PCDHB2: variants seen among roughly 807,000 people sequenced by gnomAD.
PCDHB2 encodes protocadherin beta-2.
For missense variants in PCDHB2, 914 were observed against 1,023.1 expected, an observed-to-expected ratio of 0.89 and a Z score of 1.45; for synonymous variants, 395 against 464.9, an observed-to-expected ratio of 0.85 and a Z score of 1.93.
In PCDHB2 at chr5:141,095,832, G is replaced by T. The variant is rs1375182260; in HGVS notation, c.1042G>T (p.Glu348Ter). Residue 348 changes from glutamate (E) to a stop codon, truncating the protein, a stop_gained, in exon 1 of 1, where the codon GAA becomes TAA. Transcript: ENST00000194155. LOFTEE classifies it low-confidence loss of function (END_TRUNC). ...GATGGATTTGAATGACAATCCTCCG[G>T]AACTAACTATGTCGACACTTATCAA... ...QVMDLNDNPP[E>*]LTMSTLINQI... is the part of the protein sequence containing the mutation. The T allele has an allele frequency of 1.9e-6, 3 of 1,613,930 alleles. No individual in the cohort carries two copies. Among genetic ancestry groups the T allele is most frequent in the Non-Finnish European group, 2.5e-6 (3 of 1,180,026 alleles).
At position 141,094,956 on chromosome 5, in the gene PCDHB2, C is replaced by T; in HGVS notation, c.166C>T (p.Leu56=). 6.2e-7 allele frequency: 1 copy of T among 1,613,954 alleles called. No individual in the cohort carries two copies. The highest frequency in any genetic ancestry group is 1.1e-5 in the South Asian group (1 of 91,048). ...GGCCAATTTGTTAAAAGACCTGGGG[C>T]TGGAGATAGGAGAACTTGCTGTGAG... is the stretch of plus-strand genomic sequence containing the variant. ...FVANLLKDLG[L]EIGELAVRGA... Residue 56 remains leucine (L), a synonymous_variant, in exon 1 of 1, where the codon CTG becomes TTG. Coordinates refer to ENST00000194155, the MANE Select transcript of PCDHB2 (RefSeq NM_018936.4).
At position 141,096,321 on chromosome 5, in the gene PCDHB2, G is replaced by A; in HGVS notation, c.1531G>A (p.Asp511Asn). The A allele has an allele frequency of 6.2e-7, 1 of 1,613,386 alleles. No individual in the cohort carries two copies. The highest frequency in any genetic ancestry group is 1.3e-5 in the African/African-American group (1 of 75,046). ...PLASLVSINA[D>N]NGHLFALQSL... ...CGCCTCCCTGGTCTCCATCAACGCG[G>A]ACAACGGCCACCTGTTCGCTCTCCA... Residue 511 changes from aspartate to asparagine, a missense_variant, in exon 1 of 1, where the codon GAC becomes AAC. By Grantham distance (23) the Asp-to-Asn change is conservative. Coordinates refer to ENST00000194155, the MANE Select transcript of PCDHB2 (RefSeq NM_018936.4).
chr5:141,095,067 G>T lies in PCDHB2; in HGVS notation c.277G>T (p.Asp93Tyr). ...TGDLLLNEKL[D>Y]REELCGPTEP... ...GGATTTGTTGTTAAATGAGAAATTG[G>T]ACCGGGAGGAGCTGTGCGGCCCCAC... is the stretch of plus-strand genomic sequence containing the variant. The change falls in exon 1 of 1, where the codon GAC (aspartate) becomes TAC (tyrosine). Residue 93 changes from aspartate (D) to tyrosine (Y), a missense_variant. Physicochemically the swap from Asp to Tyr is radical, Grantham distance 160. Transcript: ENST00000194155. 1.9e-6 allele frequency: 3 copies of T among 1,614,132 alleles called. No individual in the cohort carries two copies. The highest frequency in any genetic ancestry group is 2.5e-6 in the Non-Finnish European group (3 of 1,180,012).
rs782169420 is a variant in PCDHB2, at chr5:141,097,158, A to C, written c.2368A>C (p.Ser790Arg). 5.6e-6 allele frequency: 9 copies of C among 1,606,380 alleles called. No homozygotes were observed. Among genetic ancestry groups the C allele is most frequent in the African/African-American group, 5.3e-5 (4 of 74,842 alleles). The change falls in exon 1 of 1, where the codon AGT becomes CGT. Residue 790 changes from serine to arginine, a missense_variant. Physicochemically the swap from Ser to Arg is moderately radical, Grantham distance 110. Transcript: ENST00000194155. ...AGAGAGGGTTAGCGAGGCAAATCCC[A>C]GTTTCAGGAAGAGCTTTGAATTCAC... ...GAERVSEANP[S>R]FRKSFEFT is the part of the protein sequence containing the mutation.
rs1277540808 is a variant in PCDHB2 at position 141,096,649 on chromosome 5, G to A, written c.1859G>A (p.Trp620Ter). 4 of 1,609,122 alleles carry A rather than the reference G, an allele frequency of 2.5e-6. No individual in the cohort carries two copies. The African/African-American group carries it at 5.3e-5, about 21-fold the overall frequency. ...ACGGAGCCCGGGCTGTTCGGCGTGT[G>A]GGCGCACAATGGCGAGGTGCGCACC... ...KATEPGLFGV[W>*]AHNGEVRTAR... The change falls in exon 1 of 1, where the codon TGG becomes TAG. Residue 620 changes from tryptophan (W) to a stop codon, truncating the protein, a stop_gained. Transcript: ENST00000194155. LOFTEE classifies it low-confidence loss of function (END_TRUNC).
In PCDHB2 at chr5:141,096,866, G is replaced by A. The variant is rs782517733; in HGVS notation, c.2076G>A (p.Leu692=). Residue 692 remains leucine, a synonymous_variant, in exon 1 of 1, where the codon CTG becomes CTA. Transcript: ENST00000194155. ...QAQADLLTVY[L]VVALASVSSL... ...AGGCCGACTTGCTCACCGTCTACCT[G>A]GTGGTGGCGTTGGCCTCGGTGTCTT... is the stretch of plus-strand genomic sequence containing the variant. The A allele has an allele frequency of 6.2e-7, 1 of 1,611,684 alleles. No individual in the cohort carries two copies. The highest frequency in any genetic ancestry group is 8.5e-7 in the Non-Finnish European group (1 of 1,179,804).
Position 141,095,844 on chromosome 5 carries a change from T to C in PCDHB2, c.1054T>C (p.Ser352Pro), listed in dbSNP as rs782518279. 2 of 1,613,936 alleles carry C rather than the reference T, an allele frequency of 1.2e-6. No homozygotes were observed. Among genetic ancestry groups the C allele is most frequent in the African/African-American group, 1.3e-5 (1 of 74,906 alleles). ...LNDNPPELTM[S>P]TLINQIPENL... ...TGACAATCCTCCGGAACTAACTATG[T>C]CGACACTTATCAATCAGATCCCAGA... The change falls in exon 1 of 1, where the codon TCG becomes CCG. Residue 352 changes from serine (S) to proline (P), a missense_variant. Physicochemically the swap from Ser to Pro is moderately conservative, Grantham distance 74. Coordinates refer to ENST00000194155, the MANE Select transcript of PCDHB2 (RefSeq NM_018936.4).
chr5:141,098,344 C>T lies in PCDHB2; in HGVS notation c.*1157C>T, dbSNP rs1751875139. The T allele has an allele frequency of 1.3e-5, 2 of 152,000 alleles. No homozygotes were observed. Among genetic ancestry groups the T allele is most frequent in the Admixed American group, 1.3e-4 (2 of 15,268 alleles). The allele number at this position is 152,000 out of a possible 1,614,324, so 9.4% of individuals were successfully genotyped here. ...AATTTGAGGGAGTACATGTCTTTGT[C>T]CTTTACCTTTAGAACCCTCAAACAT... On this transcript the variant is annotated 3_prime_UTR_variant, in exon 1 of 1. Coordinates refer to ENST00000194155, the MANE Select transcript of PCDHB2 (RefSeq NM_018936.4).
Position 141,096,617 on chromosome 5 carries a change from C to G in PCDHB2, c.1827C>G (p.Leu609=). ...GQNAWLSYQL[L]KATEPGLFGV... Reference sequence around the variant, plus strand: ...ACGCCTGGCTGTCGTACCAGCTGCTCAAGGCCACGGAGCCCGGGCTGTTCG... The same window carrying G: ...ACGCCTGGCTGTCGTACCAGCTGCTGAAGGCCACGGAGCCCGGGCTGTTCG... Residue 609 remains leucine, a synonymous_variant, in exon 1 of 1, where the codon CTC becomes CTG. Transcript: ENST00000194155. 6.2e-7 allele frequency: 1 copy of G among 1,607,552 alleles called. No individual in the cohort carries two copies.
Position 141,096,596 on chromosome 5 carries a change from C to T in PCDHB2, c.1806C>T (p.Ala602=). The T allele has an allele frequency of 6.2e-7, 1 of 1,606,576 alleles. No individual in the cohort carries two copies. Among genetic ancestry groups the T allele is most frequent in the Non-Finnish European group, 8.5e-7 (1 of 1,179,048 alleles). ...TGGACGGCGACTCGGGCCAGAACGC[C>T]TGGCTGTCGTACCAGCTGCTCAAGG... is the stretch of plus-strand genomic sequence containing the variant. The part of the protein sequence containing the change: ...VAVDGDSGQN[A]WLSYQLLKAT... Residue 602 remains alanine, a synonymous_variant, in exon 1 of 1, where the codon GCC becomes GCT. Coordinates refer to ENST00000194155, the MANE Select transcript of PCDHB2 (RefSeq NM_018936.4).
In PCDHB2 at chr5:141,096,830, G is replaced by A. The variant is rs1352098597; in HGVS notation, c.2040G>A (p.Pro680=). ...QPYLLLPEAA[P]AQAQADLLTV... ...ACCTGCTGCTCCCGGAGGCGGCACC[G>A]GCCCAGGCCCAGGCCGACTTGCTCA... The change falls in exon 1 of 1, where the codon CCG becomes CCA. Residue 680 remains proline (P), a synonymous_variant. Transcript: ENST00000194155. 1 of 1,610,568 alleles carries A rather than the reference G, an allele frequency of 6.2e-7. No homozygotes were observed. The highest frequency in any genetic ancestry group is 8.5e-7 in the Non-Finnish European group (1 of 1,179,768).
Position 141,097,523 on chromosome 5 carries a change from A to G in PCDHB2, c.*336A>G. ...TAATTTTGAAGTCCTACATTTGAAA[A>G]TATTTGTTATCATTACATGAGTTAT... On this transcript the variant is annotated 3_prime_UTR_variant, in exon 1 of 1. Coordinates refer to ENST00000194155, the MANE Select transcript of PCDHB2 (RefSeq NM_018936.4). 1 of 201,144 alleles carries G rather than the reference A, an allele frequency of 5.0e-6. No individual in the cohort carries two copies. The highest frequency in any genetic ancestry group is 1.0e-5 in the Non-Finnish European group (1 of 99,532). 12.5% of individuals were successfully genotyped at this position (201,144 alleles called of 1,614,324 possible).
At position 141,094,800 on chromosome 5, in the gene PCDHB2, G is replaced by A; in HGVS notation, c.10G>A (p.Gly4Arg). ...GAGAGACCAGAAAGCAATGGAGGCCGGAGAGGGGAAGGAGCGCGTTCCGAA... is the reference window on the plus strand; with the variant it reads ...GAGAGACCAGAAAGCAATGGAGGCCAGAGAGGGGAAGGAGCGCGTTCCGAA... MEA[G>R]EGKERVPKQR... Residue 4 changes from glycine to arginine, a missense_variant, in exon 1 of 1, where the codon GGA becomes AGA. Physicochemically the swap from Gly to Arg is moderately radical, Grantham distance 125. Transcript: ENST00000194155. The A allele has an allele frequency of 1.9e-6, 3 of 1,558,084 alleles. No homozygotes were observed. Among genetic ancestry groups the A allele is most frequent in the South Asian group, 1.2e-5 (1 of 81,522 alleles).
chr5:141,095,036 G>T lies in PCDHB2; in HGVS notation c.246G>T (p.Gln82His). 6.2e-7 allele frequency: 1 copy of T among 1,614,076 alleles called. No individual in the cohort carries two copies. Among genetic ancestry groups the T allele is most frequent in the Non-Finnish European group, 8.5e-7 (1 of 1,180,002 alleles). Residue 82 changes from glutamine (Q) to histidine (H), a missense_variant, in exon 1 of 1, where the codon CAG (glutamine) becomes CAT (histidine). Physicochemically the swap from Gln to His is conservative, Grantham distance 24 (BLOSUM62 0). Transcript: ENST00000194155. ...AAATGCATTTGCAGTTCGATAGGCA[G>T]ACCGGGGATTTGTTGTTAAATGAGA... ...GKKMHLQFDR[Q>H]TGDLLLNEKL...
At position 141,095,776 on chromosome 5, in the gene PCDHB2, T is replaced by C. The variant is rs1554271326; in HGVS notation, c.986T>C (p.Leu329Pro). ...VNIQATDGGGLSGTCVVFVQV... is the reference protein window; with the variant it reads ...VNIQATDGGGPSGTCVVFVQV... The stretch of plus-strand genomic sequence containing the variant: ...ATTCAGGCGACAGATGGTGGGGGCC[T>C]ATCTGGAACTTGTGTGGTATTTGTC... The change falls in exon 1 of 1, where the codon CTA becomes CCA. Residue 329 changes from leucine (L) to proline (P), a missense_variant. By Grantham distance (98) the Leu-to-Pro change is moderately conservative (BLOSUM62 -3). Coordinates refer to ENST00000194155, the MANE Select transcript of PCDHB2 (RefSeq NM_018936.4). 1 of 1,614,082 alleles carries C rather than the reference T, an allele frequency of 6.2e-7. No homozygotes were observed. The highest frequency in any genetic ancestry group is 1.3e-5 in the African/African-American group (1 of 74,936).
Position 141,095,760 on chromosome 5 carries a change from A to G in PCDHB2, c.970A>G (p.Thr324Ala), listed in dbSNP as rs782511028. ...GACATACACAGTAAATATTCAGGCG[A>G]CAGATGGTGGGGGCCTATCTGGAAC... ...IQTYTVNIQA[T>A]DGGGLSGTCV... Residue 324 changes from threonine to alanine, a missense_variant, in exon 1 of 1, where the codon ACA (threonine) becomes GCA (alanine). Thr to Ala is a moderately conservative substitution (Grantham distance 58, BLOSUM62 0). Coordinates refer to ENST00000194155, the MANE Select transcript of PCDHB2 (RefSeq NM_018936.4). The G allele has an allele frequency of 6.2e-7, 1 of 1,614,194 alleles. No homozygotes were observed. The highest frequency in any genetic ancestry group is 1.1e-5 in the South Asian group (1 of 91,084).
At position 141,096,435 on chromosome 5, in the gene PCDHB2, G is replaced by T. The variant is rs782652255; in HGVS notation, c.1645G>T (p.Val549Leu). The T allele has an allele frequency of 8.7e-6, 14 of 1,611,518 alleles. No homozygotes were observed. In the South Asian group the frequency reaches 1.2e-4, roughly 14 times the overall value. ...GSPALSSEAL[V>L]RVLVLDANDN... ...CCCGGCGTTGAGCAGCGAGGCGCTGGTGCGCGTGCTGGTGCTGGACGCCAA... is the reference window on the plus strand; with the variant it reads ...CCCGGCGTTGAGCAGCGAGGCGCTGTTGCGCGTGCTGGTGCTGGACGCCAA... The change falls in exon 1 of 1, where the codon GTG becomes TTG. Residue 549 changes from valine (V) to leucine (L), a missense_variant. Coordinates refer to ENST00000194155, the MANE Select transcript of PCDHB2 (RefSeq NM_018936.4).
In PCDHB2 at chr5:141,098,165, A is replaced by G. The variant is rs1751872197; in HGVS notation, c.*978A>G. The G allele has an allele frequency of 3.3e-5, 5 of 152,366 alleles. No homozygotes were observed. In the South Asian group the frequency reaches 1.0e-3, roughly 32 times the overall value. The allele number at this position is 152,366 out of a possible 1,614,324, so 9.4% of individuals were successfully genotyped here. A position where few individuals can be genotyped will look rare whatever the true frequency, so the allele number is the denominator to read the frequency against. Reference sequence around the variant, plus strand: ...ATTCAAAAATGTAGATAAATAATACATGTCTAGCAATTTTCAAAGGCATGC... The same window carrying G: ...ATTCAAAAATGTAGATAAATAATACGTGTCTAGCAATTTTCAAAGGCATGC... On this transcript the variant is annotated 3_prime_UTR_variant, in exon 1 of 1. Coordinates refer to ENST00000194155, the MANE Select transcript of PCDHB2 (RefSeq NM_018936.4).
At position 141,094,815 on chromosome 5, in the gene PCDHB2, C is replaced by A; in HGVS notation, c.25C>A (p.Arg9Ser). Reference protein sequence around the residue: MEAGEGKERVPKQRQVLIF... With the variant: MEAGEGKESVPKQRQVLIF... ...AATGGAGGCCGGAGAGGGGAAGGAG[C>A]GCGTTCCGAAACAAAGGCAAGTCCT... The change falls in exon 1 of 1, where the codon CGC (arginine) becomes AGC (serine). Residue 9 changes from arginine to serine, a missense_variant. Physicochemically the swap from Arg to Ser is moderately radical, Grantham distance 110 (BLOSUM62 -1). Transcript: ENST00000194155. The A allele has an allele frequency of 6.4e-7, 1 of 1,572,342 alleles. No homozygotes were observed. The highest frequency in any genetic ancestry group is 8.6e-7 in the Non-Finnish European group (1 of 1,160,218).
Sources: allele counts gnomAD v4.1 joint callset, GRCh38; gene constraint gnomAD v4.1.1; transcripts MANE v1.5; gene names NCBI Gene and HGNC (gene_info 2026-07-23, HGNC 2026-07-21).